SDK2: variants seen among roughly 807,000 people sequenced by gnomAD.
The protein encoded by SDK2 is sidekick cell adhesion molecule 2.
Under a neutral mutation model 253.9 loss-of-function variants are expected in SDK2, and 105 were observed. The ratio of observed to expected loss-of-function variants is 0.41; its 90% CI spans 0.35 to 0.49. The LOEUF (loss-of-function observed/expected upper bound fraction) is 0.49, where lower values mean the gene tolerates loss of function less well. Among genes scored for constraint, SDK2 ranks in the 20% least tolerant of loss-of-function variants. The pLI, the probability that SDK2 is intolerant of heterozygous loss-of-function variation, is 0.06. For missense variants in SDK2, 2,608 were observed against 3,003.0 expected (o/e 0.87, Z 3.07); for synonymous variants, 1,249 against 1,234.9 (o/e 1.01, Z -0.24).
intron 1 of SDK2, among the ~76,000 whole-genome samples, chr17:73,601,400 C>T (rs2045838366): frequency 1.3e-5 from 2 of 152,160 alleles, no homozygotes; most frequent in African/African-American, 4.8e-5. Flanking sequence ...AATTCATGTC[C>T]ACCCAGAACC....
chr17:73,376,036 A>G (rs574266349), intron 36 of SDK2, among the ~76,000 whole-genome samples: 2 of 150,928 alleles, frequency 1.3e-5, no homozygotes, highest in South Asian at 2.1e-4. Flanking sequence ...TCTACTAAAA[A>G]CACAAAAATT....
chr17:73,634,975 G>A (rs1349498457), intron 1 of SDK2, among the ~76,000 whole-genome samples: 1 of 151,466 alleles, frequency 6.6e-6, no homozygotes, highest in African/African-American at 2.4e-5. Flanking sequence ...GGAGTCACCC[G>A]CATTTCAGGT....
intron 10 of SDK2, among the ~76,000 whole-genome samples, chr17:73,432,399 G>A (rs2063332709): frequency 6.6e-6 from 1 of 152,140 alleles, no homozygotes; most frequent in Non-Finnish European, 1.5e-5. Context: ...TCTGGGGGTC[G>A]CATGTCCGTT....
intron 1 of SDK2, among the ~76,000 whole-genome samples, chr17:73,512,906 TA>T (rs886789660): frequency 9.2e-5 from 14 of 152,034 alleles, no homozygotes; most frequent in Admixed American, 6.5e-4. Context: ...CATTTGGGGA[TA>T]AAAAAATAAA....
chr17:73,507,626 G>T, intron 1 of SDK2, 29 bp from the exon 2 acceptor site: 6 of 1,546,400 alleles, frequency 3.9e-6, no homozygotes, highest in Non-Finnish European at 4.4e-6. Context: ...AAAGCCACCA[G>T]TGATCACTTG....
In SDK2 at chr17:73,628,135, C is replaced by T. The variant is rs113972089; in HGVS notation, c.64+15890G>A. Among the ~76,000 whole-genome samples, 36 of 152,384 alleles carry T rather than the reference C, an allele frequency of 2.4e-4. 2 individuals are homozygous for T. Among genetic ancestry groups the T allele is most frequent in the African/African-American group, 7.7e-4 (32 of 41,598 alleles). The stretch of plus-strand genomic sequence containing the variant: ...TGAGGCTAGGGAAAGGCTAAGTCAT[C>T]TGGCCAAGGTCATTTAGCCAAGCAG... On this transcript the variant is annotated intron_variant, in intron 1 of 44. Coordinates refer to ENST00000392650, the MANE Select transcript of SDK2 (RefSeq NM_001144952.2).
chr17:73,451,463 C>A (rs1007038472), intron 4 of SDK2, among the ~76,000 whole-genome samples: 1 of 152,188 alleles, frequency 6.6e-6, no homozygotes, highest in African/African-American at 2.4e-5. Flanking sequence ...GAGATCGTGC[C>A]ATTGCACTCC....
At chr17:73,408,515 C>T (rs2063099827) in intron 18 of SDK2, among the ~76,000 whole-genome samples, 1 of 152,196 alleles carries the variant, frequency 6.6e-6, no homozygotes, top group Non-Finnish European at 1.5e-5. Context: ...TGAGCCATCA[C>T]ACCCCGAAGT....
At chr17:73,552,819 C>T (rs903862998) in intron 1 of SDK2, among the ~76,000 whole-genome samples, 14 of 152,260 alleles carry the variant, frequency 9.2e-5, no homozygotes, top group Admixed American at 2.0e-4. Context: ...TTGCACTTCT[C>T]GCTCTGGCTT....
chr17:73,543,483 A>G (rs920610560), intron 1 of SDK2, among the ~76,000 whole-genome samples: 2 of 152,246 alleles, frequency 1.3e-5, no homozygotes, highest in Non-Finnish European at 2.9e-5. Context: ...CGACAGCCCA[A>G]TGATTGCTTC....
At chr17:73,385,754 T>C in intron 32 of SDK2, 93 bp downstream of exon 32, 3 of 1,192,364 alleles carry the variant, frequency 2.5e-6, no homozygotes, top group Non-Finnish European at 1.2e-6. Context: ...ACTTGGGGGC[T>C]CCACGCAGCC....
At chr17:73,394,187 C>T (rs1397110481) in intron 26 of SDK2, 22 bp downstream of exon 26, 1 of 1,451,530 alleles carries the variant, frequency 6.9e-7, no homozygotes. Context: ...GGGACCCCAC[C>T]TCCTGGGATC....
intron 44 of SDK2, 39 bp downstream of exon 44, chr17:73,348,560 C>G (rs1474012213): frequency 6.2e-7 from 1 of 1,604,516 alleles, no homozygotes; most frequent in Non-Finnish European, 8.5e-7. Context: ...AGGCGCTGCT[C>G]CCTGCCCCCT....
At chr17:73,399,392 T>C (rs1933698418) in intron 21 of SDK2, 103 bp from the exon 22 acceptor site, 1 of 1,255,856 alleles carries the variant, frequency 8.0e-7, no homozygotes, top group Non-Finnish European at 1.1e-6. Context: ...ACGCTTTTCC[T>C]GGAAATGTCT....
intron 1 of SDK2, among the ~76,000 whole-genome samples, chr17:73,524,512 T>C (rs2064109877): frequency 6.6e-6 from 1 of 152,176 alleles, no homozygotes; most frequent in South Asian, 2.1e-4. Flanking sequence ...CCCTTTTTCC[T>C]GCCAGGACAC....
chr17:73,473,838 G>A (rs1012049925), intron 2 of SDK2, among the ~76,000 whole-genome samples: 12 of 152,094 alleles, frequency 7.9e-5, no homozygotes, highest in Admixed American at 7.8e-4. Flanking sequence ...CAACCAGAAA[G>A]CAAACAGACA....
In SDK2 at chr17:73,352,477, C is replaced by A; in HGVS notation, c.5754G>T (p.Val1918=). 2 of 1,612,464 alleles carry A rather than the reference C, an allele frequency of 1.2e-6. No individual in the cohort carries two copies. The highest frequency in any genetic ancestry group is 8.5e-7 in the Non-Finnish European group (1 of 1,179,344). The change falls in exon 41 of 45, where the codon GTG becomes GTT. Residue 1918 remains valine (V), a synonymous_variant. Coordinates refer to ENST00000392650, the MANE Select transcript of SDK2 (RefSeq NM_001144952.2). The surrounding 1 kb of genome is among the most constrained non-coding windows in gnomAD (Gnocchi z 4.1). Reference sequence around the variant, plus strand: ...CCTCAGCCCCCAGGCCGGTACCTGGCACAGACTGGGAGGGGCTGCTGGGGG... The same window carrying A: ...CCTCAGCCCCCAGGCCGGTACCTGGAACAGACTGGGAGGGGCTGCTGGGGG... ...FGTPSSPSQS[V]PAQKANPFYE...
intron 1 of SDK2, among the ~76,000 whole-genome samples, chr17:73,627,698 C>T (rs556710144): frequency 2.0e-5 from 3 of 152,208 alleles, no homozygotes; most frequent in Non-Finnish European, 2.9e-5. Context: ...GTTCCCAAAT[C>T]GTACATCAGA....
rs1567799515 is a variant in SDK2 at position 73,483,699 on chromosome 17, ATATATATATTTT to A, written c.225-11493_225-11482del. Among the ~76,000 whole-genome samples the A allele has an allele frequency of 2.8e-4, 18 of 63,840 alleles. 1 individual carries two copies. The highest frequency in any genetic ancestry group is 1.4e-3 in the African/African-American group (18 of 13,028). 41.9% of individuals were successfully genotyped at this position (63,840 alleles called of 152,430 possible). ...TATATATATTTATATATATATATAT[ATATATATATTTT>A]TTTTTTTTTTTAGTAGAGTTGGGGT... On this transcript the variant is annotated intron_variant, in intron 2 of 44. Coordinates refer to ENST00000392650, the MANE Select transcript of SDK2 (RefSeq NM_001144952.2).
Sources: gnomAD v4.1 joint callset for allele counts (sites outside exome capture counted in the v4.1 genomes callset) on GRCh38, gnomAD v4.1.1 for gene constraint, Gnocchi (gnomAD v3.1) non-coding constraint, MANE v1.5 for transcripts, NCBI Gene and HGNC (gene_info 2026-07-23, HGNC 2026-07-21) for gene names.